Variants in SRPK1 observed in about 807,000 individuals in gnomAD.
SRPK1 encodes the protein SRSF protein kinase 1.
SRPK1 carries 52 observed loss-of-function variants against 89.5 expected under a neutral mutation model. That is an observed-to-expected ratio of 0.58 (90% CI 0.46 to 0.73). The LOEUF is 0.73. Ranked by LOEUF, SRPK1 falls within the 30% of genes least tolerant of loss-of-function variation. SRPK1 has a pLI of 0.00. For synonymous variants in SRPK1, 255 were observed against 270.2 expected, an observed-to-expected ratio of 0.94 and a Z score of 0.55; for missense variants, 603 against 780.6, an observed-to-expected ratio of 0.77 and a Z score of 2.71.
intron 14 of SRPK1, among the ~76,000 whole-genome samples, chr6:35,839,505 G>A (rs1769256478): frequency 6.6e-6 from 1 of 152,104 alleles, no homozygotes; most frequent in South Asian, 2.1e-4. Flanking sequence ...AAGTATAGCT[G>A]CTTGATGATC....
At chr6:35,884,748 C>T (rs1302411397) in intron 6 of SRPK1, among the ~76,000 whole-genome samples, 1 of 152,148 alleles carries the variant, frequency 6.6e-6, no homozygotes. Context: ...CACCTGTAAT[C>T]CCAGCACTTT....
chr6:35,919,360 A>C (rs1771177658), intron 2 of SRPK1, among the ~76,000 whole-genome samples: 1 of 152,124 alleles, frequency 6.6e-6, no homozygotes, highest in Admixed American at 6.5e-5. Flanking sequence ...TCCAAAAACA[A>C]CACACACCCC....
At chr6:35,875,624 T>C (rs2127250240) in intron 6 of SRPK1, among the ~76,000 whole-genome samples, 1 of 152,268 alleles carries the variant, frequency 6.6e-6, no homozygotes, top group South Asian at 2.1e-4. Context: ...ACATCTTCTT[T>C]AGAGAAGAAA....
At chr6:35,916,242 A>AATTAATT (rs1562000602) in intron 2 of SRPK1, among the ~76,000 whole-genome samples, 118 of 148,128 alleles carry the variant, frequency 8.0e-4, no homozygotes, top group African/African-American at 2.2e-3. Context: ...ATAAATAAAT[A>AATTAATT]AATTAATTAA....
chr6:35,875,205 G>C (rs578018871), intron 6 of SRPK1, among the ~76,000 whole-genome samples: 127 of 150,920 alleles, frequency 8.4e-4, no homozygotes, highest in African/African-American at 2.9e-3. Context: ...CTGTCAGGAA[G>C]AAACAGGAAC....
chr6:35,915,309 A>C (rs1264877463), intron 2 of SRPK1, among the ~76,000 whole-genome samples: 1 of 150,834 alleles, frequency 6.6e-6, no homozygotes, highest in Non-Finnish European at 1.5e-5. Flanking sequence ...CGGGAGGCTG[A>C]GGCAGGAGAA....
chr6:35,863,821 CCAGTAA>C lies in SRPK1; in HGVS notation c.1512+5183_1512+5188del, dbSNP rs542273597. Among the ~76,000 whole-genome samples, 603 of 152,228 alleles carry C rather than the reference CCAGTAA, an allele frequency of 4.0e-3. 2 individuals are homozygous for C. The highest frequency in any genetic ancestry group is 0.013 in the African/African-American group (534 of 41,550). On this transcript the variant is annotated intron_variant, in intron 12 of 15. Transcript: ENST00000373825. ...TAATCATGTGAAGGTACAAAACTCA[CCAGTAA>C]CAGTAAGTATACAGAAAAACACAGA...
intron 2 of SRPK1, among the ~76,000 whole-genome samples, chr6:35,917,895 G>A (rs904281836): frequency 6.6e-5 from 10 of 152,276 alleles, no homozygotes; most frequent in Non-Finnish European, 7.3e-5. Flanking sequence ...CTTGTCTAAG[G>A]TCAGATTGCT....
At chr6:35,901,387 G>C (rs1360263528) in intron 2 of SRPK1, among the ~76,000 whole-genome samples, 1 of 152,170 alleles carries the variant, frequency 6.6e-6, no homozygotes, top group Non-Finnish European at 1.5e-5. Flanking sequence ...ATGATGTGAA[G>C]AGACACAGGG....
chr6:35,891,889 C>A (rs1255987249), intron 2 of SRPK1, among the ~76,000 whole-genome samples: 6 of 152,064 alleles, frequency 3.9e-5, no homozygotes, highest in African/African-American at 1.2e-4. Context: ...AGAATTATTT[C>A]CCTAAAATTA....
intron 2 of SRPK1, among the ~76,000 whole-genome samples, chr6:35,903,938 G>A (rs1441612556): frequency 3.3e-5 from 5 of 151,914 alleles, no homozygotes; most frequent in Admixed American, 2.6e-4. Flanking sequence ...CAAATAGCTG[G>A]AACTATTAGC....
chr6:35,870,894 C>T (rs749821458), intron 9 of SRPK1, 40 bp downstream of exon 9: 4 of 1,541,828 alleles, frequency 2.6e-6, no homozygotes, highest in Admixed American at 1.8e-5. Context: ...TGCCCATAGT[C>T]CATAGATCAA....
At chr6:35,835,525 A>G in intron 15 of SRPK1, 37 bp from the exon 16 acceptor site, 2 of 1,559,546 alleles carry the variant, frequency 1.3e-6, no homozygotes, top group Non-Finnish European at 1.7e-6. Flanking sequence ...CCACTGATCA[A>G]CACAGACAAA....
chr6:35,878,235 G>GA (rs1241218845), intron 6 of SRPK1, among the ~76,000 whole-genome samples: 1 of 152,040 alleles, frequency 6.6e-6, no homozygotes, highest in African/African-American at 2.4e-5. Context: ...GCTTCTTAGA[G>GA]AAAAACTGAT....
At chr6:35,884,853 A>G (rs1329544952) in intron 6 of SRPK1, among the ~76,000 whole-genome samples, 1 of 152,096 alleles carries the variant, frequency 6.6e-6, no homozygotes, top group Non-Finnish European at 1.5e-5. Context: ...ATACAAAATT[A>G]GCTGGGTGTG....
intron 15 of SRPK1, among the ~76,000 whole-genome samples, chr6:35,836,718 G>A (rs1291293558): frequency 6.6e-6 from 1 of 151,252 alleles, no homozygotes; most frequent in Non-Finnish European, 1.5e-5. Flanking sequence ...TCGTGCCACT[G>A]TACTCCAGCC....
intron 2 of SRPK1, among the ~76,000 whole-genome samples, chr6:35,919,354 A>G (rs1356412649): frequency 6.6e-6 from 1 of 152,178 alleles, no homozygotes; most frequent in Non-Finnish European, 1.5e-5. Context: ...GTAGCCTCCA[A>G]AAACAACACA....
At chr6:35,855,770 T>C (rs769615717) in intron 13 of SRPK1, among the ~76,000 whole-genome samples, 1 of 152,214 alleles carries the variant, frequency 6.6e-6, no homozygotes, top group Non-Finnish European at 1.5e-5. Context: ...GTTTCATTCT[T>C]GTTGCCTAGG....
intron 13 of SRPK1, among the ~76,000 whole-genome samples, chr6:35,854,892 C>T (rs536711297): frequency 5.9e-5 from 9 of 152,264 alleles, no homozygotes; most frequent in Admixed American, 3.3e-4. Context: ...TAAAATTCCT[C>T]AATAAGCAAA....
Sources: gnomAD v4.1 joint callset for allele counts (sites outside exome capture counted in the v4.1 genomes callset) on GRCh38, gnomAD v4.1.1 for gene constraint, MANE v1.5 for transcripts, NCBI Gene and HGNC (gene_info 2026-07-23, HGNC 2026-07-21) for gene names.